VEPH1: variants seen among roughly 807,000 people sequenced by gnomAD.
VEPH1 encodes the protein ventricular zone-expressed PH domain-containing protein homolog 1.
Under a neutral mutation model 85.2 loss-of-function variants are expected in VEPH1, and 80 were observed. That is an observed-to-expected ratio of 0.94 (90% CI 0.78 to 1.13). The LOEUF (loss-of-function observed/expected upper bound fraction) is 1.13, where lower values mean the gene tolerates loss of function less well. Among genes scored for constraint, VEPH1 ranks in the 50% most tolerant of loss-of-function variants. VEPH1 has a pLI of 0.00. For missense variants in VEPH1, 955 were observed against 980.5 expected (o/e 0.97, Z 0.35); for synonymous variants, 297 against 348.0 (o/e 0.85, Z 1.63).
chr3:157,362,773 G>GTA (rs1451252071), intron 9 of VEPH1, among the ~76,000 whole-genome samples: 1 of 152,202 alleles, frequency 6.6e-6, no homozygotes, highest in Non-Finnish European at 1.5e-5. Context: ...AGGCTAAGCT[G>GTA]TAATGTTTGG....
intron 5 of VEPH1, among the ~76,000 whole-genome samples, chr3:157,418,307 C>T (rs1417763434): frequency 6.6e-6 from 1 of 152,126 alleles, no homozygotes; most frequent in African/African-American, 2.4e-5. Context: ...CTCTTCTGTG[C>T]TCCCATAGCA....
At chr3:157,420,570 C>G (rs1037753537) in intron 5 of VEPH1, among the ~76,000 whole-genome samples, 1 of 152,214 alleles carries the variant, frequency 6.6e-6, no homozygotes, top group Non-Finnish European at 1.5e-5. Flanking sequence ...TAGTTCTGCT[C>G]TAAATTTCAG....
At chr3:157,436,727 C>T in intron 4 of VEPH1, 1 of 360,328 alleles carries the variant, frequency 2.8e-6, no homozygotes, top group Admixed American at 4.4e-5. Flanking sequence ...CGCTCTCCCA[C>T]CCAGCCCCCT....
intron 12 of VEPH1, among the ~76,000 whole-genome samples, chr3:157,272,381 T>C (rs1309517576): frequency 9.5e-6 from 1 of 105,272 alleles, no homozygotes; most frequent in African/African-American, 4.1e-5. Context: ...TTTCTTTTCT[T>C]TCTTTCTTTC....
intron 9 of VEPH1, among the ~76,000 whole-genome samples, chr3:157,360,640 C>A (rs1725955210): frequency 6.6e-6 from 1 of 152,046 alleles, no homozygotes; most frequent in Non-Finnish European, 1.5e-5. Flanking sequence ...CCTAGCCTAG[C>A]CTACCTTAAA....
At chr3:157,459,653 A>T (rs1372053468) in intron 4 of VEPH1, 1 of 1,320,604 alleles carries the variant, frequency 7.6e-7, no homozygotes, top group Non-Finnish European at 9.6e-7. Flanking sequence ...CTTCTTATTC[A>T]TTCAAATGTT....
chr3:157,393,199 A>T (rs1445177326), intron 6 of VEPH1, among the ~76,000 whole-genome samples: 2 of 152,224 alleles, frequency 1.3e-5, no homozygotes, highest in Non-Finnish European at 2.9e-5. Context: ...GAGAATAGAA[A>T]GAAGCTTATC....
intron 6 of VEPH1, among the ~76,000 whole-genome samples, chr3:157,392,170 A>G (rs570711393): frequency 1.3e-5 from 2 of 152,348 alleles, no homozygotes; most frequent in Admixed American, 1.3e-4. Flanking sequence ...ACACAATAGA[A>G]ACAACAAAGC....
intron 3 of VEPH1, among the ~76,000 whole-genome samples, chr3:157,466,901 C>T (rs922068337): frequency 9.2e-5 from 14 of 152,194 alleles, no homozygotes; most frequent in East Asian, 3.9e-4. Flanking sequence ...ATATATGTAC[C>T]GATTTTGTAT....
intron 1 of VEPH1, among the ~76,000 whole-genome samples, chr3:157,498,273 A>G (rs2109776690): frequency 6.6e-6 from 1 of 152,226 alleles, no homozygotes; most frequent in South Asian, 2.1e-4. Context: ...TCCTTTCTTG[A>G]GACTTGGTTT....
chr3:157,448,534 G>A (rs1025142727), intron 4 of VEPH1, among the ~76,000 whole-genome samples: 3 of 152,132 alleles, frequency 2.0e-5, no homozygotes, highest in African/African-American at 7.2e-5. Flanking sequence ...ATAATCCACT[G>A]CAGTTGTAGG....
intron 9 of VEPH1, among the ~76,000 whole-genome samples, chr3:157,351,408 G>A (rs954665568): frequency 6.6e-6 from 1 of 151,822 alleles, no homozygotes; most frequent in Non-Finnish European, 1.5e-5. Context: ...TGGACAGGCT[G>A]GTCTCAAACT....
intron 6 of VEPH1, among the ~76,000 whole-genome samples, chr3:157,399,348 C>T (rs1437233727): frequency 2.0e-5 from 3 of 152,156 alleles, no homozygotes; most frequent in Non-Finnish European, 2.9e-5. Context: ...CCAATTTCTC[C>T]TTTAAAAGCA....
At chr3:157,350,233 A>G (rs1360676491) in intron 9 of VEPH1, among the ~76,000 whole-genome samples, 2 of 152,230 alleles carry the variant, frequency 1.3e-5, no homozygotes, top group African/African-American at 2.4e-5. Context: ...CGGCCAATTA[A>G]TTTTTGACAA....
At chr3:157,290,391 A>T in intron 11 of VEPH1, among the ~76,000 whole-genome samples, 1 of 152,178 alleles carries the variant, frequency 6.6e-6, no homozygotes, top group East Asian at 1.9e-4. Context: ...TACAACTGAA[A>T]TCCTGACACT....
Position 157,312,900 on chromosome 3 carries a change from ATTT to A in VEPH1, c.2010+718_2010+720del, listed in dbSNP as rs140277345. Among the ~76,000 whole-genome samples the A allele has an allele frequency of 5.8e-3, 566 of 98,034 alleles. 3 individuals are homozygous for A. Among genetic ancestry groups the A allele is most frequent in the African/African-American group, 0.021 (499 of 23,998 alleles). 64.3% of individuals were successfully genotyped at this position (98,034 alleles called of 152,430 possible). A position where few individuals can be genotyped will look rare whatever the true frequency, so the allele number is the denominator to read the frequency against. The stretch of plus-strand genomic sequence containing the variant: ...TATGCCTGGCTAATTAAAAAAAAAC[ATTT>A]TTTTTTTTTTTTTTTTTTTGAGATG... On this transcript the variant is annotated intron_variant, in intron 11 of 13. Transcript: ENST00000362010.
At chr3:157,272,247 T>A (rs1320669647) in intron 12 of VEPH1, among the ~76,000 whole-genome samples, 1 of 15,668 alleles carries the variant, frequency 6.4e-5, no homozygotes, top group Non-Finnish European at 1.2e-4. Context: ...TCTTCTTCCT[T>A]CCTTCCTTCC....
intron 12 of VEPH1, among the ~76,000 whole-genome samples, chr3:157,272,724 A>G (rs949329288): frequency 6.6e-6 from 1 of 151,834 alleles, no homozygotes; most frequent in Admixed American, 6.6e-5. Flanking sequence ...TAGCTTCCCA[A>G]AGTTCTGGGA....
At chr3:157,346,879 A>G (rs930979443) in intron 9 of VEPH1, among the ~76,000 whole-genome samples, 2 of 152,172 alleles carry the variant, frequency 1.3e-5, no homozygotes, top group South Asian at 2.1e-4. Flanking sequence ...GCCTCCCAAC[A>G]TGCTGAGATT....
Sources: allele counts gnomAD v4.1 joint callset (sites outside exome capture counted in the v4.1 genomes callset), GRCh38; gene constraint gnomAD v4.1.1; transcripts MANE v1.5; gene names NCBI Gene and HGNC (gene_info 2026-07-23, HGNC 2026-07-21).